Variants in ZNF248 observed in about 807,000 individuals in gnomAD.
ZNF248 encodes KRAB protein domain.
Under a neutral mutation model 44.3 loss-of-function variants are expected in ZNF248, and 20 were observed. The observed-to-expected ratio is 0.45, with a 90% CI of 0.32 to 0.66. The LOEUF (loss-of-function observed/expected upper bound fraction) is 0.66, where lower values mean the gene tolerates loss of function less well. ZNF248 is among the 30% of genes least tolerant of loss of function. The probability of loss-of-function intolerance (pLI) is 0.04; values close to 1 mark genes in which losing one functional copy is unlikely to be tolerated. For synonymous variants in ZNF248, 224 were observed against 229.0 expected (o/e 0.98, Z 0.20); for missense variants, 654 against 677.0 (o/e 0.97, Z 0.38).
chr10:37,824,875 A>G (rs1433133596), downstream of ZNF248, among the ~76,000 whole-genome samples: 1 of 140,060 alleles, frequency 7.1e-6, no homozygotes, highest in Non-Finnish European at 1.5e-5. Context: ...TTTTTAGTAG[A>G]GACGGGGTTT....
At chr10:37,817,022 G>C (rs1436352432) in intron 6 of ZNF248, among the ~76,000 whole-genome samples, 2 of 152,056 alleles carry the variant, frequency 1.3e-5, no homozygotes, top group Non-Finnish European at 2.9e-5. Flanking sequence ...AAGGGAGTCC[G>C]GGATTTCTCC....
the ZNF248 span, among the ~76,000 whole-genome samples, chr10:37,762,742 T>C: frequency 6.6e-6 from 1 of 152,168 alleles, no homozygotes; most frequent in Non-Finnish European, 1.5e-5. Context: ...CTGGGTTACA[T>C]ACAAGTGAAG....
chr10:37,759,916 A>ACAG, the ZNF248 span, among the ~76,000 whole-genome samples: 1 of 152,172 alleles, frequency 6.6e-6, no homozygotes, highest in African/African-American at 2.4e-5. Flanking sequence ...GCTGTGGAAG[A>ACAG]ACCGCTAGGC....
the ZNF248 span, among the ~76,000 whole-genome samples, chr10:37,770,355 G>A: frequency 1.8e-4 from 27 of 152,260 alleles, no homozygotes; most frequent in Non-Finnish European, 2.8e-4. Context: ...GAGGCATTAC[G>A]CTACCTGACT....
At chr10:37,791,136 G>C (rs781607212) in intron 6 of ZNF248, among the ~76,000 whole-genome samples, 23 of 137,252 alleles carry the variant, frequency 1.7e-4, no homozygotes, top group Admixed American at 6.7e-4. Context: ...CTGCTTCCCG[G>C]GTTCACGCCA....
At chr10:37,766,147 G>GGCCT in the ZNF248 span, among the ~76,000 whole-genome samples, 1 of 152,248 alleles carries the variant, frequency 6.6e-6, no homozygotes, top group Non-Finnish European at 1.5e-5. Context: ...AGCTCAAGGA[G>GGCCT]GCCTGCCTGC....
At chr10:37,792,149 T>G (rs911373575) in intron 6 of ZNF248, among the ~76,000 whole-genome samples, 3 of 152,042 alleles carry the variant, frequency 2.0e-5, no homozygotes, top group African/African-American at 7.2e-5. Flanking sequence ...GTGAATGAGA[T>G]GTAATTTCAT....
At chr10:37,848,971 A>C (rs921459992) in intron 3 of ZNF248, among the ~76,000 whole-genome samples, 1 of 152,256 alleles carries the variant, frequency 6.6e-6, no homozygotes, top group African/African-American at 2.4e-5. Flanking sequence ...AGCATAAAGC[A>C]TACTCACCAA....
At chr10:37,812,715 G>A (rs2891586) in intron 6 of ZNF248, among the ~76,000 whole-genome samples, 20,165 of 151,902 alleles carry the variant, frequency 0.13, 1,431 homozygotes, top group Admixed American at 0.2. Flanking sequence ...CCCCCAGACA[G>A]TGTCTCTAAT....
At chr10:37,852,656 T>C (rs975406714) in intron 3 of ZNF248, among the ~76,000 whole-genome samples, 2 of 149,718 alleles carry the variant, frequency 1.3e-5, no homozygotes, top group Non-Finnish European at 3.0e-5. Flanking sequence ...GATATAGATA[T>C]ATAGATACAA....
At chr10:37,817,867 A>G (rs2052768229) in intron 6 of ZNF248, among the ~76,000 whole-genome samples, 1 of 152,162 alleles carries the variant, frequency 6.6e-6, no homozygotes, top group African/African-American at 2.4e-5. Flanking sequence ...AAGTCTAAAT[A>G]TAGACACTGG....
At position 37,853,178 on chromosome 10, in the gene ZNF248, A is replaced by G. The variant is rs192511731; in HGVS notation, c.15+3118T>C. Among the ~76,000 whole-genome samples the G allele has an allele frequency of 3.1e-3, 478 of 152,274 alleles. 2 individuals carry two copies. Among genetic ancestry groups the G allele is most frequent in the Non-Finnish European group, 4.7e-3 (321 of 68,030 alleles). Reference sequence around the variant, plus strand: ...GAATTTTTAAAATGACAAGGATATCATACCTCAGAACCAACCCCTGCCAAA... The same window carrying G: ...GAATTTTTAAAATGACAAGGATATCGTACCTCAGAACCAACCCCTGCCAAA... On this transcript the variant is annotated intron_variant, in intron 3 of 5. Coordinates refer to ENST00000395867, the MANE Select transcript of ZNF248 (RefSeq NM_021045.3).
chr10:37,813,497 C>T (rs376580242), intron 6 of ZNF248, among the ~76,000 whole-genome samples: 25 of 152,142 alleles, frequency 1.6e-4, no homozygotes, highest in African/African-American at 5.6e-4. Context: ...CTCCTCCTCT[C>T]CCTCCTCCTC....
downstream of ZNF248, among the ~76,000 whole-genome samples, chr10:37,825,779 C>T (rs1208721): frequency 0.06 from 9,106 of 152,004 alleles, 354 homozygotes; most frequent in Middle Eastern, 0.095. Context: ...GAAATCCATA[C>T]AGACCTCCTG....
At chr10:37,841,125 T>C (rs1271597184) in intron 3 of ZNF248, among the ~76,000 whole-genome samples, 5 of 152,254 alleles carry the variant, frequency 3.3e-5, no homozygotes, top group Non-Finnish European at 7.3e-5. Context: ...TGATTTTTTA[T>C]AGCTATAAAT....
rs570905535 is a variant in ZNF248, at chr10:37,842,356, A to G, written c.16-4245T>C. 3.3e-5 allele frequency among the ~76,000 whole-genome samples: 5 copies of G among 152,338 alleles called. No individual in the cohort carries two copies. In the South Asian group the frequency reaches 1.0e-3, roughly 32 times the overall value. ...CAAAATAAACTTCGTCAGAATTCTG[A>G]AAAGGTCAAAGGCTGACCGCAACCA... On this transcript the variant is annotated intron_variant, in intron 3 of 5. Coordinates refer to ENST00000395867, the MANE Select transcript of ZNF248 (RefSeq NM_021045.3).
At chr10:37,818,861 G>T in intron 6 of ZNF248, 2 of 996,502 alleles carry the variant, frequency 2.0e-6, no homozygotes, top group South Asian at 2.5e-5. Context: ...AGGATGTCTT[G>T]CTGAGACTGG....
At chr10:37,813,868 C>G (rs1213121563) in intron 6 of ZNF248, among the ~76,000 whole-genome samples, 1 of 152,144 alleles carries the variant, frequency 6.6e-6, no homozygotes, top group Non-Finnish European at 1.5e-5. Flanking sequence ...CATGGGATAT[C>G]TCTTTTCATT....
At chr10:37,772,451 G>C (rs906861638), downstream of ZNF248, among the ~76,000 whole-genome samples, 1 of 152,100 alleles carries the variant, frequency 6.6e-6, no homozygotes, top group African/African-American at 2.4e-5. Flanking sequence ...TGGACTAGCC[G>C]AGGAAACACC....
Sources: allele counts gnomAD v4.1 joint callset (sites outside exome capture counted in the v4.1 genomes callset), GRCh38; gene constraint gnomAD v4.1.1; transcripts MANE v1.5; gene names NCBI Gene and HGNC (gene_info 2026-07-23, HGNC 2026-07-21).